HCST: variants seen among roughly 807,000 people sequenced by gnomAD.
HCST encodes DNAX-activation protein 10.
Under a neutral mutation model 10.8 loss-of-function variants are expected in HCST, and 12 were observed. That is an observed-to-expected ratio of 1.12 (90% confidence interval 0.72 to 1.81). HCST has a LOEUF of 1.81. Among genes scored for constraint, HCST ranks in the 40% most tolerant of loss-of-function variants. The pLI, the probability that HCST is intolerant of heterozygous loss-of-function variation, is 0.00. For synonymous variants in HCST, 59 were observed against 51.6 expected (o/e 1.14, Z -0.61); for missense variants, 102 against 117.9 (o/e 0.87, Z 0.62).
chr19:35,904,325 T>C lies in HCST; in HGVS notation c.*165T>C. On this transcript the variant is annotated 3_prime_UTR_variant, in exon 4 of 4. Coordinates refer to ENST00000246551, the MANE Select transcript of HCST (RefSeq NM_014266.4). ...CAGAGTTCCCAAAGCCTCCCTCCCA[T>C]GAACTGTTTCTGGATCCAAGGCCCC... 1.2e-6 allele frequency: 1 copy of C among 860,840 alleles called. No homozygotes were observed. The highest frequency in any genetic ancestry group is 2.0e-5 in the Admixed American group (1 of 49,020). The allele number at this position is 860,840 out of a possible 1,614,324, so 53.3% of individuals were successfully genotyped here.
intron 1 of HCST, chr19:35,902,921 G>A: frequency 2.1e-6 from 1 of 485,578 alleles, no homozygotes; most frequent in Non-Finnish European, 3.7e-6. Flanking sequence ...CTTCCCATGT[G>A]GTCCTGTTCC....
At position 35,904,350 on chromosome 19, in the gene HCST, C is replaced by T. The variant is rs1975664013; in HGVS notation, c.*190C>T. On this transcript the variant is annotated 3_prime_UTR_variant, in exon 4 of 4. Transcript: ENST00000246551. The stretch of plus-strand genomic sequence containing the variant: ...TGAACTGTTTCTGGATCCAAGGCCC[C>T]CTCAGAACCCCCACATGTCCCCATC... 1.1e-5 allele frequency: 9 copies of T among 802,576 alleles called. No individual in the cohort carries two copies. Among genetic ancestry groups the T allele is most frequent in the Middle Eastern group, 2.8e-4 (1 of 3,568 alleles). The allele number at this position is 802,576 out of a possible 1,614,324, so 49.7% of individuals were successfully genotyped here. A position where few individuals can be genotyped will look rare whatever the true frequency, so the allele number is the denominator to read the frequency against.
chr19:35,903,583 C>A, intron 2 of HCST, 167 bp downstream of exon 2: 1 of 1,021,316 alleles, frequency 9.8e-7, no homozygotes, highest in Non-Finnish European at 1.5e-6. Context: ...GTGTGCCCGC[C>A]GCACAGCCCC....
chr19:35,903,677 C>T (rs17514129), intron 2 of HCST, 95 bp from the exon 3 acceptor site: 969 of 1,572,552 alleles, frequency 6.2e-4, no homozygotes, highest in Non-Finnish European at 7.9e-4. Context: ...TGGGACCCGC[C>T]CCCTCGCAGG....
At position 35,904,370 on chromosome 19, in the gene HCST, C is replaced by T. The variant is rs1317054217; in HGVS notation, c.*210C>T. 1.3e-6 allele frequency: 1 copy of T among 799,004 alleles called. No homozygotes were observed. Among genetic ancestry groups the T allele is most frequent in the African/African-American group, 1.7e-5 (1 of 58,840 alleles). The allele number at this position is 799,004 out of a possible 1,614,324, so 49.5% of individuals were successfully genotyped here. A position where few individuals can be genotyped will look rare whatever the true frequency, so the allele number is the denominator to read the frequency against. ...GGCCCCCTCAGAACCCCCACATGTC[C>T]CCATCCCATCAGCCCAAGGATCTGG... On this transcript the variant is annotated 3_prime_UTR_variant, in exon 4 of 4. Transcript: ENST00000246551.
chr19:35,903,194 T>C, intron 1 of HCST, 157 bp from the exon 2 acceptor site: 1 of 623,106 alleles, frequency 1.6e-6, no homozygotes, highest in South Asian at 1.7e-5. Flanking sequence ...TCTCACTATG[T>C]TGCCCAGGCT....
At position 35,902,915 on chromosome 19, in the gene HCST, C is replaced by G. The variant is rs60593372; in HGVS notation, c.43+279C>G. ...CTCCATGTCTCTGGGAGTCCCCTTC[C>G]CATGTGGTCCTGTTCCATCTCTCCA... On this transcript the variant is annotated intron_variant, in intron 1 of 3. Transcript: ENST00000246551. 4,486 of 495,692 alleles carry G rather than the reference C, an allele frequency of 9.0e-3. 171 individuals are homozygous for G. The highest frequency in any genetic ancestry group is 0.077 in the African/African-American group (3,956 of 51,406). The allele number at this position is 495,692 out of a possible 1,614,324, so 30.7% of individuals were successfully genotyped here.
intron 1 of HCST, 177 bp from the exon 2 acceptor site, chr19:35,903,174 A>C: frequency 1.8e-6 from 1 of 565,002 alleles, no homozygotes; most frequent in Non-Finnish European, 3.2e-6. Flanking sequence ...TATTTCTTGT[A>C]GAGACGAGGT....
chr19:35,904,178 C>A lies in HCST; in HGVS notation c.*18C>A. The A allele has an allele frequency of 6.2e-7, 1 of 1,613,672 alleles. No homozygotes were observed. Among genetic ancestry groups the A allele is most frequent in the South Asian group, 1.1e-5 (1 of 91,084 alleles). ...GGGGCTGACCCTCCTGCAGCTTGGACCTTTGACTTCTGACCCTCTCATCCT... is the reference window on the plus strand; with the variant it reads ...GGGGCTGACCCTCCTGCAGCTTGGAACTTTGACTTCTGACCCTCTCATCCT... On this transcript the variant is annotated 3_prime_UTR_variant, in exon 4 of 4. Transcript: ENST00000246551.
Position 35,904,347 on chromosome 19 carries a change from C to A in HCST, c.*187C>A. 1.2e-6 allele frequency: 1 copy of A among 812,350 alleles called. No homozygotes were observed. The allele number at this position is 812,350 out of a possible 1,614,324, so 50.3% of individuals were successfully genotyped here. On this transcript the variant is annotated 3_prime_UTR_variant, in exon 4 of 4. Transcript: ENST00000246551. ...CCATGAACTGTTTCTGGATCCAAGG[C>A]CCCCTCAGAACCCCCACATGTCCCC...
At position 35,903,922 on chromosome 19, in the gene HCST, G is replaced by A. The variant is rs1975649373; in HGVS notation, c.241+19G>A. The stretch of plus-strand genomic sequence containing the variant: ...GCCCAAGGTGAGGGCGGAGATGGGC[G>A]GGGCCTGGAAGGTGTATAGTGTCCC... On this transcript the variant is annotated intron_variant, in intron 3 of 3. Transcript: ENST00000246551. The A allele has an allele frequency of 6.2e-6, 10 of 1,606,374 alleles. No individual in the cohort carries two copies. Among genetic ancestry groups the A allele is most frequent in the Non-Finnish European group, 6.8e-6 (8 of 1,177,382 alleles).
At chr19:35,902,906 G>A in intron 1 of HCST, 1 of 506,218 alleles carries the variant, frequency 2.0e-6, no homozygotes. Flanking sequence ...GTCTCTGGGA[G>A]TCCCCTTCCC....
At position 35,903,805 on chromosome 19, in the gene HCST, C is replaced by T. The variant is rs1187672168; in HGVS notation, c.143C>T (p.Pro48Leu). 20 of 1,613,960 alleles carry T rather than the reference C, an allele frequency of 1.2e-5. No individual in the cohort carries two copies. The highest frequency in any genetic ancestry group is 1.6e-5 in the Non-Finnish European group (19 of 1,180,016). ...TCCGGATGTGGGTCCCTCTCTCTGC[C>T]GCTCCTGGCAGGCCTCGTGGCTGCT... ...SCSGCGSLSL[P>L]LLAGLVAADA... The change falls in exon 3 of 4, where the codon CCG becomes CTG. Residue 48 changes from proline (P) to leucine (L), a missense_variant. Coordinates refer to ENST00000246551, the MANE Select transcript of HCST (RefSeq NM_014266.4).
chr19:35,904,357 A>AC lies in HCST; in HGVS notation c.*202dup, dbSNP rs142104996. 5,566 of 798,538 alleles carry AC rather than the reference A, an allele frequency of 7.0e-3. 220 individuals carry two copies. In the African/African-American group the frequency reaches 0.082, roughly 12 times the overall value. 49.5% of individuals were successfully genotyped at this position (798,538 alleles called of 1,614,324 possible). A position where few individuals can be genotyped will look rare whatever the true frequency, so the allele number is the denominator to read the frequency against. On this transcript the variant is annotated 3_prime_UTR_variant, in exon 4 of 4. Coordinates refer to ENST00000246551, the MANE Select transcript of HCST (RefSeq NM_014266.4). ...TTTCTGGATCCAAGGCCCCCTCAGAACCCCCACATGTCCCCATCCCATCAG... is the reference window on the plus strand; with the variant it reads ...TTTCTGGATCCAAGGCCCCCTCAGAACCCCCCACATGTCCCCATCCCATCAG...
In HCST at chr19:35,904,241, T is replaced by C; in HGVS notation, c.*81T>C. The C allele has an allele frequency of 7.1e-7, 1 of 1,412,074 alleles. No homozygotes were observed. Among genetic ancestry groups the C allele is most frequent in the Non-Finnish European group, 1.0e-6 (1 of 1,002,990 alleles). The allele number at this position is 1,412,074 out of a possible 1,614,324, so 87.5% of individuals were successfully genotyped here. The stretch of plus-strand genomic sequence containing the variant: ...GTGGCACAGGAACCCCCGCCCCAAC[T>C]TTTGGATTGTAATAAAACAATTGAA... On this transcript the variant is annotated 3_prime_UTR_variant, in exon 4 of 4. Coordinates refer to ENST00000246551, the MANE Select transcript of HCST (RefSeq NM_014266.4).
chr19:35,903,940 A>C, intron 3 of HCST, 37 bp downstream of exon 3: 1 of 1,594,964 alleles, frequency 6.3e-7, no homozygotes, highest in East Asian at 2.2e-5. Flanking sequence ...GAAGGTGTAT[A>C]GTGTCCCTAG....
chr19:35,902,809 CAGGG>C, intron 1 of HCST, 173 bp downstream of exon 1: 2 of 652,774 alleles, frequency 3.1e-6, no homozygotes, highest in Non-Finnish European at 5.3e-6. Flanking sequence ...GGGGGTGAGA[CAGGG>C]AGTTCTGGAG....
At chr19:35,903,017 G>A (rs1347768369) in intron 1 of HCST, 2 of 429,544 alleles carry the variant, frequency 4.7e-6, no homozygotes, top group Non-Finnish European at 8.6e-6. Context: ...TTGAGATGGG[G>A]TCTTGCTCTG....
intron 3 of HCST, 39 bp from the exon 4 acceptor site, chr19:35,904,081 G>A (rs1568502492): frequency 1.9e-6 from 3 of 1,611,794 alleles, no homozygotes; most frequent in Non-Finnish European, 2.5e-6. Context: ...GTGGAGATAT[G>A]GGTGGTCAAG....
Sources: allele counts gnomAD v4.1 joint callset, GRCh38; gene constraint gnomAD v4.1.1; transcripts MANE v1.5; gene names NCBI Gene and HGNC (gene_info 2026-07-23, HGNC 2026-07-21).